Variants in PRICKLE2 observed in about 807,000 individuals in gnomAD.
PRICKLE2 encodes the protein prickle planar cell polarity protein 2.
Under a neutral mutation model 81.4 loss-of-function variants are expected in PRICKLE2, and 21 were observed. The observed-to-expected ratio is 0.26, with a 90% CI of 0.18 to 0.37. The LOEUF (loss-of-function observed/expected upper bound fraction) is 0.37. PRICKLE2 is among the 10% of genes least tolerant of loss of function. PRICKLE2 has a pLI of 1.00. For synonymous variants in PRICKLE2, 456 were observed against 421.5 expected (o/e 1.08, Z -1.00); for missense variants, 940 against 1,109.0 (o/e 0.85, Z 2.16).
intron 2 of PRICKLE2, among the ~76,000 whole-genome samples, chr3:64,251,213 G>A (rs757271514): frequency 6.6e-6 from 1 of 152,200 alleles, no homozygotes; most frequent in African/African-American, 2.4e-5. Flanking sequence ...GCAATATAAG[G>A]CTTAGGAATT....
chr3:64,135,999 A>G (rs2077273383), intron 7 of PRICKLE2, among the ~76,000 whole-genome samples: 1 of 152,280 alleles, frequency 6.6e-6, no homozygotes, highest in South Asian at 2.1e-4. Context: ...TTCCAAAACC[A>G]TCAAATGCTC....
chr3:64,181,434 G>A (rs1007021121), intron 2 of PRICKLE2, among the ~76,000 whole-genome samples: 1 of 152,102 alleles, frequency 6.6e-6, no homozygotes, highest in African/African-American at 2.4e-5. Flanking sequence ...TGGAGATACT[G>A]TTAGGTGGTT....
intron 7 of PRICKLE2, among the ~76,000 whole-genome samples, chr3:64,109,614 A>G (rs1026427414): frequency 2.0e-5 from 3 of 152,148 alleles, no homozygotes; most frequent in Non-Finnish European, 4.4e-5. Context: ...GGGAGTGTGC[A>G]TAACTTCTTA....
chr3:64,220,377 T>C (rs2078933033), intron 1 of PRICKLE2, among the ~76,000 whole-genome samples: 1 of 152,072 alleles, frequency 6.6e-6, no homozygotes, highest in African/African-American at 2.4e-5. Flanking sequence ...GCACTCCCAG[T>C]GTGAGAGGAA....
At chr3:64,185,731 C>T (rs1474059837) in intron 2 of PRICKLE2, among the ~76,000 whole-genome samples, 1 of 152,200 alleles carries the variant, frequency 6.6e-6, no homozygotes, top group Non-Finnish European at 1.5e-5. Flanking sequence ...GGAAGCTTGC[C>T]TTCCTGTTTG....
intron 2 of PRICKLE2, among the ~76,000 whole-genome samples, chr3:64,177,333 C>T (rs986247039): frequency 1.5e-4 from 22 of 151,720 alleles, no homozygotes; most frequent in Non-Finnish European, 2.8e-4. Flanking sequence ...GACAGGGTCT[C>T]ACCATGTTGG....
chr3:64,153,064 A>G, intron 6 of PRICKLE2, 118 bp downstream of exon 6: 2 of 979,944 alleles, frequency 2.0e-6, no homozygotes, highest in Non-Finnish European at 3.3e-6. Context: ...TCCCTTTTTC[A>G]GTTAAGTTAG....
Position 64,099,860 on chromosome 3 carries a change from T to C in PRICKLE2, c.1726A>G (p.Ser576Gly). The change falls in exon 8 of 8, where the codon AGC becomes GGC. Residue 576 changes from serine (S) to glycine (G), a missense_variant. Transcript: ENST00000638394. This position sits in a 1 kb window ranked among gnomAD's most constrained non-coding sequence, Gnocchi z 4.3. ...HLSRFSMPDL[S>G]KDSGMNVSEK... is the part of the protein sequence containing the mutation. ...GACACATTCATTCCAGAGTCTTTGC[T>C]GAGGTCAGGCATGGAAAATCGGGAT... The C allele has an allele frequency of 6.2e-7, 1 of 1,614,164 alleles. No individual in the cohort carries two copies. The highest frequency in any genetic ancestry group is 8.5e-7 in the Non-Finnish European group (1 of 1,180,026).
Position 64,141,917 on chromosome 3 carries a change from C to T in PRICKLE2, c.1660+4913G>A, listed in dbSNP as rs953938255. Reference sequence around the variant, plus strand: ...AAGGATCAAGGTGCTTTCACTAAGCCTTTTGTGGCACGTACCTGGTATTCA... The same window carrying T: ...AAGGATCAAGGTGCTTTCACTAAGCTTTTTGTGGCACGTACCTGGTATTCA... On this transcript the variant is annotated intron_variant, in intron 7 of 7. Transcript: ENST00000638394. 8 of 984,944 alleles carry T rather than the reference C, an allele frequency of 8.1e-6. No individual in the cohort carries two copies. The African/African-American group carries it at 1.0e-4, about 13-fold the overall frequency. The allele number at this position is 984,944 out of a possible 1,614,324, so 61.0% of individuals were successfully genotyped here.
rs550808708 is a variant in PRICKLE2, at chr3:64,110,959, C to CAA, written c.1661-11036_1661-11035dup. ...CCTGGGAGACAGACAGACTCCATCT[C>CAA]AAAAAAAAAAAAAAAAAAAAAAAAA... is the stretch of plus-strand genomic sequence containing the variant. On this transcript the variant is annotated intron_variant, in intron 7 of 7. Transcript: ENST00000638394. Among the ~76,000 whole-genome samples, 436 of 63,572 alleles carry CAA rather than the reference C, an allele frequency of 6.9e-3. 20 individuals carry two copies. Among genetic ancestry groups the CAA allele is most frequent in the African/African-American group, 0.021 (269 of 12,882 alleles). 41.7% of individuals were successfully genotyped at this position (63,572 alleles called of 152,430 possible).
chr3:64,148,992 C>G (rs2077501315), intron 6 of PRICKLE2, among the ~76,000 whole-genome samples: 1 of 152,196 alleles, frequency 6.6e-6, no homozygotes. Context: ...AAAGAAAAAC[C>G]TAGACACGGT....
chr3:64,260,097 C>T (rs927976462), intron 2 of PRICKLE2, among the ~76,000 whole-genome samples: 12 of 152,152 alleles, frequency 7.9e-5, no homozygotes, highest in Admixed American at 6.5e-4. Context: ...TTGGACTTCT[C>T]AGGCCCTATG....
intron 2 of PRICKLE2, among the ~76,000 whole-genome samples, chr3:64,232,980 G>A (rs1575695946): frequency 6.6e-6 from 1 of 152,142 alleles, no homozygotes; most frequent in East Asian, 1.9e-4. Context: ...ACACAATCAT[G>A]ACCATTCATT....
chr3:64,251,126 A>G (rs1049298863), intron 2 of PRICKLE2, among the ~76,000 whole-genome samples: 1 of 152,244 alleles, frequency 6.6e-6, no homozygotes, highest in African/African-American at 2.4e-5. Context: ...AAATGAATCA[A>G]TCAATCAATC....
intron 2 of PRICKLE2, among the ~76,000 whole-genome samples, chr3:64,172,823 T>C (rs1186532333): frequency 6.6e-6 from 1 of 152,190 alleles, no homozygotes; most frequent in Non-Finnish European, 1.5e-5. Context: ...TCAATAAGAC[T>C]GGTGTCCTTG....
intron 7 of PRICKLE2, among the ~76,000 whole-genome samples, chr3:64,126,612 C>G (rs973612075): frequency 2.6e-5 from 4 of 151,996 alleles, no homozygotes; most frequent in Non-Finnish European, 5.9e-5. Context: ...GAGTCTTGCT[C>G]TGTTGCCCAG....
Position 64,095,582 on chromosome 3 carries a change from T to A in PRICKLE2, c.*3469A>T, listed in dbSNP as rs554334484. 1 of 152,292 alleles carries A rather than the reference T, an allele frequency of 6.6e-6. No homozygotes were observed. The allele number at this position is 152,292 out of a possible 1,614,324, so 9.4% of individuals were successfully genotyped here. ...TGCTACATATATGTCATCACAGGCCTCACCTGAATTGAACAATAGCTAGTA... is the reference window on the plus strand; with the variant it reads ...TGCTACATATATGTCATCACAGGCCACACCTGAATTGAACAATAGCTAGTA... On this transcript the variant is annotated 3_prime_UTR_variant, in exon 8 of 8. Transcript: ENST00000638394.
intron 2 of PRICKLE2, among the ~76,000 whole-genome samples, chr3:64,184,806 A>G (rs1383553114): frequency 6.6e-6 from 1 of 152,194 alleles, no homozygotes; most frequent in African/African-American, 2.4e-5. Flanking sequence ...CTCATGGCAT[A>G]TTCACCATCC....
intron 1 of PRICKLE2, among the ~76,000 whole-genome samples, chr3:64,216,803 A>G: frequency 6.6e-6 from 1 of 152,046 alleles, no homozygotes; most frequent in East Asian, 1.9e-4. Flanking sequence ...GGAGCACGTG[A>G]ATTCTTTGCT....
Sources: allele counts gnomAD v4.1 joint callset (sites outside exome capture counted in the v4.1 genomes callset), GRCh38; gene constraint gnomAD v4.1.1; non-coding constraint Gnocchi (gnomAD v3.1); transcripts MANE v1.5; gene names NCBI Gene and HGNC (gene_info 2026-07-23, HGNC 2026-07-21).